The following RPA1 variants were observed in gnomAD, a reference collection of about 807,000 sequenced individuals.
The protein encoded by RPA1 is replication protein A1.
In RPA1, 49 loss-of-function variants were observed where a neutral mutation model predicts 83.0. That is an observed-to-expected ratio of 0.59 (90% CI 0.47 to 0.75). The LOEUF (loss-of-function observed/expected upper bound fraction) is 0.75, where lower values mean the gene tolerates loss of function less well. Among genes scored for constraint, RPA1 ranks in the 30% least tolerant of loss-of-function variants. RPA1 has a pLI of 0.00. For missense variants in RPA1, 693 were observed against 776.1 expected (o/e 0.89, Z 1.27); for synonymous variants, 279 against 281.8 (o/e 0.99, Z 0.10).
In RPA1 at chr17:1,880,791, G is replaced by A. The variant is rs17292154; in HGVS notation, c.1241+100G>A. 2,827 of 1,484,198 alleles carry A rather than the reference G, an allele frequency of 1.9e-3. 45 individuals carry two copies. The African/African-American group carries it at 0.032, about 17-fold the overall frequency. 91.9% of individuals were successfully genotyped at this position (1,484,198 alleles called of 1,614,324 possible). The stretch of plus-strand genomic sequence containing the variant: ...AGCTTTCTGCCAAGCAGAAGCCTTC[G>A]TCCCTGAGTGGTGCAGCTTCCGTGT... On this transcript the variant is annotated intron_variant, in intron 12 of 16. Coordinates refer to ENST00000254719, the MANE Select transcript of RPA1 (RefSeq NM_002945.5).
intron 5 of RPA1, among the ~76,000 whole-genome samples, chr17:1,854,720 TAA>T (rs1029823851): frequency 1.9e-4 from 29 of 152,274 alleles, no homozygotes; most frequent in Admixed American, 1.8e-3. Context: ...TGCAAAAAAT[TAA>T]AAGTGTGTAA....
Position 1,877,328 on chromosome 17 carries a change from A to G in RPA1, c.690+14A>G. 6.2e-7 allele frequency: 1 copy of G among 1,612,282 alleles called. No homozygotes were observed. Among genetic ancestry groups the G allele is most frequent in the Non-Finnish European group, 8.5e-7 (1 of 1,178,718 alleles). Reference sequence around the variant, plus strand: ...GTTGACGAAAGTGTGAGTGTTTGTCATGCTGGGGAGTGAGGGCAGTGGGCT... The same window carrying G: ...GTTGACGAAAGTGTGAGTGTTTGTCGTGCTGGGGAGTGAGGGCAGTGGGCT... On this transcript the variant is annotated intron_variant, in intron 8 of 16. Transcript: ENST00000254719.
At chr17:1,885,552 G>A (rs1913958810) in intron 13 of RPA1, among the ~76,000 whole-genome samples, 1 of 151,982 alleles carries the variant, frequency 6.6e-6, no homozygotes, top group Admixed American at 6.6e-5. Flanking sequence ...GCTCACTGCA[G>A]TCTCAACCTC....
chr17:1,870,954 G>C (rs1913356496), intron 5 of RPA1, among the ~76,000 whole-genome samples: 1 of 152,152 alleles, frequency 6.6e-6, no homozygotes, highest in South Asian at 2.1e-4. Context: ...CATGAAGCAG[G>C]TAAAGATACA....
intron 16 of RPA1, among the ~76,000 whole-genome samples, chr17:1,895,348 A>ATTT (rs139754576): frequency 3.4e-5 from 5 of 148,928 alleles, no homozygotes; most frequent in African/African-American, 4.9e-5. Context: ...TATTTTTTTT[A>ATTT]TTTTTATTTT....
intron 14 of RPA1, 193 bp from the exon 15 acceptor site, chr17:1,891,639 CA>C: frequency 2.8e-6 from 1 of 361,072 alleles, no homozygotes; most frequent in Non-Finnish European, 5.0e-6. Flanking sequence ...AGGCTGGTTT[CA>C]AACTCCTGGC....
intron 14 of RPA1, among the ~76,000 whole-genome samples, chr17:1,890,814 C>A (rs754131386): frequency 6.6e-6 from 1 of 152,124 alleles, no homozygotes; most frequent in African/African-American, 2.4e-5. Context: ...GAAACATCAG[C>A]CTTTCTGTTA....
chr17:1,830,034 A>T lies in RPA1; in HGVS notation c.-60A>T, dbSNP rs1235345952. On this transcript the variant is annotated 5_prime_UTR_variant, in exon 1 of 17. Transcript: ENST00000254719. ...GGCCAATAACTGCGCAGCGCGCGGG[A>T]CCCGGGTGGGGAAGCTGGAGCTGTT... 8 of 1,244,192 alleles carry T rather than the reference A, an allele frequency of 6.4e-6. No individual in the cohort carries two copies. Among genetic ancestry groups the T allele is most frequent in the African/African-American group, 3.1e-5 (2 of 64,388 alleles). The allele number at this position is 1,244,192 out of a possible 1,614,324, so 77.1% of individuals were successfully genotyped here.
intron 1 of RPA1, among the ~76,000 whole-genome samples, chr17:1,837,674 A>G (rs949824690): frequency 6.6e-5 from 10 of 152,158 alleles, no homozygotes; most frequent in African/African-American, 2.4e-4. Context: ...TCTGGTGGCT[A>G]GTGACGTTGA....
intron 16 of RPA1, 108 bp downstream of exon 16, chr17:1,895,203 C>T (rs1914358678): frequency 2.5e-6 from 2 of 793,022 alleles, no homozygotes; most frequent in Non-Finnish European, 4.0e-6. Flanking sequence ...CACTGCCAGA[C>T]CCCGGTGCTG....
intron 5 of RPA1, among the ~76,000 whole-genome samples, chr17:1,868,391 G>C (rs1337769722): frequency 2.6e-5 from 4 of 152,192 alleles, no homozygotes; most frequent in Non-Finnish European, 5.9e-5. Flanking sequence ...TATCCTCCCA[G>C]CACCTAATCC....
chr17:1,875,922 CTT>C (rs371878374), intron 7 of RPA1, 129 bp downstream of exon 7: 39,406 of 522,714 alleles, frequency 0.075, 1 homozygote, highest in East Asian at 0.091. Flanking sequence ...TGGGTTTACT[CTT>C]TTTTTTTTTT....
At chr17:1,863,897 T>A (rs557307267) in intron 5 of RPA1, among the ~76,000 whole-genome samples, 1 of 152,296 alleles carries the variant, frequency 6.6e-6, no homozygotes, top group South Asian at 2.1e-4. Flanking sequence ...TGGAAAAAAA[T>A]TTGTGATATA....
Position 1,891,820 on chromosome 17 carries a change from T to A in RPA1, c.1552-13T>A. 1 of 1,493,506 alleles carries A rather than the reference T, an allele frequency of 6.7e-7. No individual in the cohort carries two copies. Among genetic ancestry groups the A allele is most frequent in the Non-Finnish European group, 9.3e-7 (1 of 1,078,468 alleles). The allele number at this position is 1,493,506 out of a possible 1,614,324, so 92.5% of individuals were successfully genotyped here. ...ATTTCTTTGCTGAAATAATGTAGAA[T>A]TGTGTTTTTTAGGTAAATATTGCAG... On this transcript the variant is annotated splice_polypyrimidine_tract_variant and intron_variant, in intron 14 of 16. Transcript: ENST00000254719.
Position 1,872,505 on chromosome 17 carries a change from C to A in RPA1, c.433C>A (p.Gln145Lys). Residue 145 changes from glutamine (Q) to lysine (K), a missense_variant, in exon 6 of 17, where the codon CAG (glutamine) becomes AAG (lysine). Coordinates refer to ENST00000254719, the MANE Select transcript of RPA1 (RefSeq NM_002945.5). ...AGCAGCAAGCAGCAGGCCCCAGCCG[C>A]AGAATGGAAGCTCGGGAATGGGTGA... ...SPAASSRPQP[Q>K]NGSSGMGSTV... 1 of 1,613,974 alleles carries A rather than the reference C, an allele frequency of 6.2e-7. No homozygotes were observed. The highest frequency in any genetic ancestry group is 8.5e-7 in the Non-Finnish European group (1 of 1,180,004).
chr17:1,849,535 GCCCACCTCGGCCT>G (rs1912400515), intron 4 of RPA1, among the ~76,000 whole-genome samples: 1 of 151,138 alleles, frequency 6.6e-6, no homozygotes, highest in Admixed American at 6.6e-5. Context: ...CTCATGATCT[GCCCACCTCGGCCT>G]CCCAAAGTGC....
chr17:1,861,580 G>T (rs1912972146), intron 5 of RPA1, among the ~76,000 whole-genome samples: 1 of 152,190 alleles, frequency 6.6e-6, no homozygotes, highest in African/African-American at 2.4e-5. Context: ...TCTAGAGACA[G>T]TCTGTTTCAA....
At chr17:1,839,316 A>ATTTTTAT (rs993163805) in intron 1 of RPA1, among the ~76,000 whole-genome samples, 23 of 151,186 alleles carry the variant, frequency 1.5e-4, no homozygotes, top group African/African-American at 5.6e-4. Context: ...CTCCAGCTTC[A>ATTTTTAT]TTTTTATTTT....
At chr17:1,838,457 G>T (rs897445193) in intron 1 of RPA1, among the ~76,000 whole-genome samples, 1 of 151,930 alleles carries the variant, frequency 6.6e-6, no homozygotes, top group African/African-American at 2.4e-5. Context: ...TACAAAATTA[G>T]CCGGGCGTGG....
Sources: allele counts gnomAD v4.1 joint callset (sites outside exome capture counted in the v4.1 genomes callset), GRCh38; gene constraint gnomAD v4.1.1; transcripts MANE v1.5; gene names NCBI Gene and HGNC (gene_info 2026-07-23, HGNC 2026-07-21).